Variants in THADA observed in about 807,000 individuals in gnomAD.
THADA encodes the protein THADA armadillo repeat containing, also known as tRNA (32-2'-O)-methyltransferase regulator THADA.
A neutral mutation model predicts 219.8 loss-of-function variants in THADA; 213 were observed. That is an observed-to-expected ratio of 0.97 (90% CI 0.87 to 1.09). THADA has a LOEUF of 1.09. THADA is among the 50% of genes least tolerant of loss of function. The probability of loss-of-function intolerance (pLI) is 0.00; values close to 1 mark genes in which losing one functional copy is unlikely to be tolerated. For missense variants in THADA, 2,956 were observed against 2,311.3 expected, an observed-to-expected ratio of 1.28 and a Z score of -5.72; for synonymous variants, 1,018 against 828.9, an observed-to-expected ratio of 1.23 and a Z score of -3.92.
chr2:43,432,191 C>T lies in THADA; in HGVS notation c.3837-1889G>A, dbSNP rs960361798. Among the ~76,000 whole-genome samples, 22 of 151,704 alleles carry T rather than the reference C, an allele frequency of 1.5e-4. 1 individual carries two copies. Among genetic ancestry groups the T allele is most frequent in the South Asian group, 4.2e-4 (2 of 4,792 alleles). On this transcript the variant is annotated intron_variant, in intron 26 of 37. Transcript: ENST00000405975. ...ACTTTTATTGGAGACGGGGTTTCAC[C>T]GTGTTAGCCAGGATGGTCTCGATCT... is the stretch of plus-strand genomic sequence containing the variant.
chr2:43,286,874 T>A (rs368408555), intron 35 of THADA, 34 bp downstream of exon 35: 1 of 1,589,534 alleles, frequency 6.3e-7, no homozygotes, highest in Non-Finnish European at 8.6e-7. Context: ...TTAAGTGAGT[T>A]TGGTACAACA....
chr2:43,371,260 A>C (rs973512914), intron 29 of THADA, among the ~76,000 whole-genome samples: 1 of 152,236 alleles, frequency 6.6e-6, no homozygotes, highest in African/African-American at 2.4e-5. Flanking sequence ...TATAATTCTT[A>C]AACTCTGACC....
chr2:43,379,872 G>A (rs1407669212), intron 29 of THADA, among the ~76,000 whole-genome samples: 1 of 152,212 alleles, frequency 6.6e-6, no homozygotes, highest in Admixed American at 6.5e-5. Context: ...AAAAGAAGCT[G>A]TGGCTTCAAT....
intron 26 of THADA, among the ~76,000 whole-genome samples, chr2:43,466,845 T>C (rs986361498): frequency 3.3e-5 from 5 of 152,198 alleles, no homozygotes; most frequent in African/African-American, 9.7e-5. Flanking sequence ...GCAGGATAAA[T>C]GTGAGTAATT....
In THADA at chr2:43,418,411, G is replaced by A. The variant is rs541472870; in HGVS notation, c.4058+9689C>T. On this transcript the variant is annotated intron_variant, in intron 28 of 37. Coordinates refer to ENST00000405975, the MANE Select transcript of THADA (RefSeq NM_022065.5). The stretch of plus-strand genomic sequence containing the variant: ...ATGCATGAACACAGTCACTGACAGC[G>A]GGAGGAACCTCTGTGCCACCCTGAG... 3.5e-4 allele frequency among the ~76,000 whole-genome samples: 54 copies of A among 152,264 alleles called. 1 individual carries two copies. Among genetic ancestry groups the A allele is most frequent in the African/African-American group, 1.2e-3 (49 of 41,564 alleles).
intron 29 of THADA, among the ~76,000 whole-genome samples, chr2:43,355,812 G>A (rs1668812161): frequency 6.6e-6 from 1 of 152,114 alleles, no homozygotes; most frequent in African/African-American, 2.4e-5. Context: ...AACTGATAGT[G>A]GCATAAATGA....
chr2:43,408,863 C>A (rs1342179099), intron 28 of THADA, among the ~76,000 whole-genome samples: 1 of 152,160 alleles, frequency 6.6e-6, no homozygotes, highest in Non-Finnish European at 1.5e-5. Flanking sequence ...AGTTTTATGT[C>A]TAACACTAAC....
At chr2:43,528,992 A>T (rs1302534387) in intron 21 of THADA, among the ~76,000 whole-genome samples, 5 of 152,178 alleles carry the variant, frequency 3.3e-5, no homozygotes, top group Admixed American at 6.6e-5. Context: ...GAGACATAAA[A>T]TTGTTAATGA....
rs142243985 is a variant in THADA, at chr2:43,484,265, T to C, written c.3836+969A>G. 1,137 of 166,406 alleles carry C rather than the reference T, an allele frequency of 6.8e-3. 4 individuals carry two copies. Among genetic ancestry groups the C allele is most frequent in the South Asian group, 0.039 (189 of 4,840 alleles). The allele number at this position is 166,406 out of a possible 1,614,324, so 10.3% of individuals were successfully genotyped here. A position where few individuals can be genotyped will look rare whatever the true frequency, so the allele number is the denominator to read the frequency against. ...TAGGTTTCATTAGAATTATCACTAG[T>C]ACATCACAAAATGATTTCATATTTT... On this transcript the variant is annotated intron_variant, in intron 26 of 37. Transcript: ENST00000405975.
chr2:43,332,286 T>TTAAAGAC (rs1249351461), intron 30 of THADA, among the ~76,000 whole-genome samples: 1 of 152,184 alleles, frequency 6.6e-6, no homozygotes, highest in Non-Finnish European at 1.5e-5. Context: ...CACCTATCCT[T>TTAAAGAC]TAAAGACTTC....
At position 43,572,821 on chromosome 2, in the gene THADA, T is replaced by A; in HGVS notation, c.1901A>T (p.His634Leu). 6.2e-7 allele frequency: 1 copy of A among 1,613,540 alleles called. No homozygotes were observed. Among genetic ancestry groups the A allele is most frequent in the Non-Finnish European group, 8.5e-7 (1 of 1,179,684 alleles). Residue 634 changes from histidine to leucine, a missense_variant, in exon 12 of 38, where the codon CAT (histidine) becomes CTT (leucine). By Grantham distance (99) the His-to-Leu change is moderately conservative (BLOSUM62 -3). Coordinates refer to ENST00000405975, the MANE Select transcript of THADA (RefSeq NM_022065.5). ...ARIKQGLIHQ[H>L]CQVRIDTLGL... ...GTAATTTTCTTTACTTACTTGGCAA[T>A]GCTGATGAATTAAGCCTTGCTTTAT...
chr2:43,351,587 C>A (rs930890662), intron 29 of THADA, among the ~76,000 whole-genome samples: 9 of 152,108 alleles, frequency 5.9e-5, no homozygotes, highest in African/African-American at 2.2e-4. Context: ...CTGTTTAATC[C>A]CATCATCATG....
chr2:43,426,495 C>T (rs2104806989), intron 28 of THADA, among the ~76,000 whole-genome samples: 1 of 152,206 alleles, frequency 6.6e-6, no homozygotes, highest in East Asian at 1.9e-4. Flanking sequence ...TTTTAAGGCC[C>T]CTGAAAGTAA....
chr2:43,480,820 G>T (rs1292072985), intron 26 of THADA, among the ~76,000 whole-genome samples: 1 of 149,220 alleles, frequency 6.7e-6, no homozygotes, highest in African/African-American at 2.5e-5. Context: ...TCTGTCTTGG[G>T]GGGGAAAAAA....
chr2:43,333,897 G>C (rs1473875655), intron 30 of THADA, among the ~76,000 whole-genome samples: 2 of 152,206 alleles, frequency 1.3e-5, no homozygotes. Context: ...AGGACAGTGG[G>C]AAAATGGAAG....
chr2:43,529,556 G>T (rs968426938), intron 21 of THADA, among the ~76,000 whole-genome samples: 3 of 152,276 alleles, frequency 2.0e-5, no homozygotes, highest in African/African-American at 7.2e-5. Context: ...ATTCATTGTT[G>T]ACTAAGGTTT....
At chr2:43,323,626 G>A (rs1371472400) in intron 30 of THADA, among the ~76,000 whole-genome samples, 1 of 152,210 alleles carries the variant, frequency 6.6e-6, no homozygotes, top group East Asian at 1.9e-4. Flanking sequence ...GGTGCAGGGA[G>A]GACATGCACA....
chr2:43,366,201 A>G (rs1347168297), intron 29 of THADA, among the ~76,000 whole-genome samples: 2 of 152,234 alleles, frequency 1.3e-5, no homozygotes, highest in Non-Finnish European at 2.9e-5. Flanking sequence ...GCACATACAT[A>G]TTTAGCAAGT....
intron 22 of THADA, among the ~76,000 whole-genome samples, chr2:43,527,598 T>TAAA (rs142899117): frequency 8.4e-4 from 124 of 148,236 alleles, no homozygotes; most frequent in South Asian, 3.6e-3. Flanking sequence ...TTTCATTCAA[T>TAAA]AAAAAAAAAA....
Sources: allele counts gnomAD v4.1 joint callset (sites outside exome capture counted in the v4.1 genomes callset), GRCh38; gene constraint gnomAD v4.1.1; transcripts MANE v1.5; gene names NCBI Gene and HGNC (gene_info 2026-07-23, HGNC 2026-07-21).